PRR5L: variants seen among roughly 807,000 people sequenced by gnomAD.
PRR5L encodes the protein proline rich 5 like, also known as proline-rich protein 5-like.
PRR5L carries 21 observed loss-of-function variants against 36.4 expected under a neutral mutation model. The ratio of observed to expected loss-of-function variants is 0.58; its 90% CI spans 0.41 to 0.83. The LOEUF (loss-of-function observed/expected upper bound fraction) is 0.83, where lower values mean the gene tolerates loss of function less well. Among genes scored for constraint, PRR5L ranks in the 40% least tolerant of loss-of-function variants. The probability of loss-of-function intolerance (pLI) is 0.00; values close to 1 mark genes in which losing one functional copy is unlikely to be tolerated. For synonymous variants in PRR5L, 188 were observed against 197.0 expected (o/e 0.95, Z 0.38); for missense variants, 381 against 473.3 (o/e 0.80, Z 1.81).
At chr11:36,408,508 C>G (rs1022726391) in intron 3 of PRR5L, among the ~76,000 whole-genome samples, 3 of 152,190 alleles carry the variant, frequency 2.0e-5, no homozygotes, top group African/African-American at 7.2e-5. Context: ...TCCCAATCAA[C>G]AATTCTGGCT....
intron 1 of PRR5L, among the ~76,000 whole-genome samples, chr11:36,357,181 C>A (rs1857036714): frequency 6.6e-6 from 1 of 152,164 alleles, no homozygotes; most frequent in Non-Finnish European, 1.5e-5. Flanking sequence ...CAGAGCAAAG[C>A]CCTAGCTCTC....
chr11:36,334,750 G>C (rs1050441692), intron 1 of PRR5L, among the ~76,000 whole-genome samples: 3 of 152,122 alleles, frequency 2.0e-5, no homozygotes, highest in Admixed American at 2.0e-4. Flanking sequence ...TAGACTGTAA[G>C]CTCCTTTTGT....
At chr11:36,439,424 G>A (rs911759530) in intron 6 of PRR5L, among the ~76,000 whole-genome samples, 6 of 152,100 alleles carry the variant, frequency 3.9e-5, no homozygotes, top group Non-Finnish European at 8.8e-5. Flanking sequence ...CTTGGAAGAT[G>A]GTAAGATCTG....
At chr11:36,420,334 G>C (rs1858237264) in intron 4 of PRR5L, among the ~76,000 whole-genome samples, 1 of 152,150 alleles carries the variant, frequency 6.6e-6, no homozygotes, top group African/African-American at 2.4e-5. Context: ...GTGTAGGGGG[G>C]CAGTATAGGG....
At chr11:36,451,129 A>G in intron 7 of PRR5L, 80 bp from the exon 8 acceptor site, 2 of 1,543,536 alleles carry the variant, frequency 1.3e-6, no homozygotes, top group Non-Finnish European at 1.8e-6. Context: ...GAGGAGGACA[A>G]TCAGGATTTG....
chr11:36,454,846 AGAGT>A (rs1343129593), intron 8 of PRR5L: 5 of 152,254 alleles, frequency 3.3e-5, no homozygotes, highest in Admixed American at 6.5e-5. Context: ...GCCCACGATG[AGAGT>A]GAGAGAGAAC....
At chr11:36,352,939 A>G (rs1856990962) in intron 1 of PRR5L, among the ~76,000 whole-genome samples, 1 of 152,212 alleles carries the variant, frequency 6.6e-6, no homozygotes, top group South Asian at 2.1e-4. Flanking sequence ...TGGAAGTGAC[A>G]GGAAGCCCTT....
At chr11:36,314,987 G>A (rs985158029) in intron 1 of PRR5L, among the ~76,000 whole-genome samples, 3 of 152,206 alleles carry the variant, frequency 2.0e-5, no homozygotes, top group Non-Finnish European at 4.4e-5. Flanking sequence ...GCATCACAAT[G>A]TATGCTTTTT....
chr11:36,421,255 G>T (rs1858259429), intron 4 of PRR5L, among the ~76,000 whole-genome samples: 2 of 152,158 alleles, frequency 1.3e-5, no homozygotes, highest in South Asian at 2.1e-4. Flanking sequence ...GGTGCTGGGG[G>T]TTACCCCTAG....
At chr11:36,428,569 G>A (rs1291060489) in intron 4 of PRR5L, among the ~76,000 whole-genome samples, 1 of 152,124 alleles carries the variant, frequency 6.6e-6, no homozygotes, top group Non-Finnish European at 1.5e-5. Context: ...AGAGTCCTGG[G>A]GCTTGGCTAA....
chr11:36,344,441 TC>T lies in PRR5L; in HGVS notation c.-126+48004del, dbSNP rs1431407021. 2.6e-5 allele frequency among the ~76,000 whole-genome samples: 4 copies of T among 152,228 alleles called. No homozygotes were observed. Among genetic ancestry groups the T allele is most frequent in the Admixed American group, 2.6e-4 (4 of 15,280 alleles). ...TTGATATTATTAAAAGTTATTGACA[TC>T]ATTTTTAAGGCAAACATAATGTTCC... On this transcript the variant is annotated intron_variant, in intron 1 of 8. Coordinates refer to ENST00000530639, the MANE Select transcript of PRR5L (RefSeq NM_001160167.2). The surrounding 1 kb of genome is among the most constrained non-coding windows in gnomAD (Gnocchi z 4.1).
intron 1 of PRR5L, among the ~76,000 whole-genome samples, chr11:36,345,860 T>C (rs796783359): frequency 1.2e-4 from 18 of 152,280 alleles, no homozygotes; most frequent in African/African-American, 4.3e-4. Context: ...CAGGACAAGA[T>C]TTTCACTTGG....
At chr11:36,316,066 G>A (rs1384091624) in intron 1 of PRR5L, among the ~76,000 whole-genome samples, 3 of 152,238 alleles carry the variant, frequency 2.0e-5, no homozygotes, top group Admixed American at 6.5e-5. Flanking sequence ...ATAGGGGATT[G>A]ACTGAGGGGA....
chr11:36,364,364 A>C (rs1857123528), intron 1 of PRR5L, among the ~76,000 whole-genome samples: 1 of 152,148 alleles, frequency 6.6e-6, no homozygotes, highest in African/African-American at 2.4e-5. Context: ...AGAGGGAATG[A>C]ATTTAGTAAA....
At chr11:36,367,728 G>A (rs1194878349) in intron 1 of PRR5L, among the ~76,000 whole-genome samples, 2 of 136,410 alleles carry the variant, frequency 1.5e-5, no homozygotes, top group African/African-American at 5.4e-5. Context: ...ATGGGAGCCG[G>A]GACCAGAGAA....
chr11:36,348,105 T>C (rs1856885685), intron 1 of PRR5L, among the ~76,000 whole-genome samples: 1 of 152,180 alleles, frequency 6.6e-6, no homozygotes, highest in Admixed American at 6.5e-5. Flanking sequence ...TTGGTTCTTA[T>C]TATTGTGGTC....
intron 5 of PRR5L, among the ~76,000 whole-genome samples, chr11:36,433,528 T>C (rs1858543623): frequency 1.3e-5 from 2 of 152,216 alleles, no homozygotes; most frequent in Admixed American, 1.3e-4. Context: ...GGTGACTTGC[T>C]TTGACCAAGA....
intron 3 of PRR5L, among the ~76,000 whole-genome samples, chr11:36,410,536 C>G (rs1858002945): frequency 6.6e-6 from 1 of 152,210 alleles, no homozygotes; most frequent in Admixed American, 6.5e-5. Context: ...AGGATACACT[C>G]CTACCTGTGA....
intron 6 of PRR5L, 52 bp downstream of exon 6, chr11:36,437,528 T>C: frequency 1.7e-6 from 2 of 1,171,440 alleles, no homozygotes; most frequent in Non-Finnish European, 2.5e-6. Flanking sequence ...CTGTCTTCTC[T>C]CCTGGCCCTT....
Sources: gnomAD v4.1 joint callset for allele counts (sites outside exome capture counted in the v4.1 genomes callset) on GRCh38, gnomAD v4.1.1 for gene constraint, Gnocchi (gnomAD v3.1) non-coding constraint, MANE v1.5 for transcripts, NCBI Gene and HGNC (gene_info 2026-07-23, HGNC 2026-07-21) for gene names.